Variants in SLC35F3 observed in about 807,000 individuals in gnomAD.
The protein encoded by SLC35F3 is putative thiamine transporter SLC35F3.
SLC35F3 carries 25 observed loss-of-function variants against 49.9 expected under a neutral mutation model. The ratio of observed to expected loss-of-function variants is 0.50; its 90% confidence interval spans 0.37 to 0.70. The LOEUF is 0.70. Among genes scored for constraint, SLC35F3 ranks in the 30% least tolerant of loss-of-function variants. The pLI, the probability that SLC35F3 is intolerant of heterozygous loss-of-function variation, is 0.00. For synonymous variants in SLC35F3, 275 were observed against 265.4 expected (o/e 1.04, Z -0.35); for missense variants, 525 against 639.8 (o/e 0.82, Z 1.94).
At chr1:234,085,240 C>T (rs764470402) in intron 2 of SLC35F3, among the ~76,000 whole-genome samples, 3 of 152,184 alleles carry the variant, frequency 2.0e-5, no homozygotes, top group Non-Finnish European at 4.4e-5. Flanking sequence ...GTTAGCTTCT[C>T]TCCATGAATC....
chr1:233,947,222 A>G (rs1052526580), intron 2 of SLC35F3, among the ~76,000 whole-genome samples: 1 of 152,200 alleles, frequency 6.6e-6, no homozygotes, highest in Non-Finnish European at 1.5e-5. Context: ...GCTCAAGGCT[A>G]CTTGAGATTC....
In SLC35F3 at chr1:234,099,330, G is replaced by A. The variant is rs573511689; in HGVS notation, c.284-132087G>A. Among the ~76,000 whole-genome samples, 47 of 152,144 alleles carry A rather than the reference G, an allele frequency of 3.1e-4. No homozygotes were observed. The East Asian group carries it at 7.5e-3, about 24-fold the overall frequency. On this transcript the variant is annotated intron_variant, in intron 2 of 7. Coordinates refer to ENST00000366618, the MANE Select transcript of SLC35F3 (RefSeq NM_173508.4). The stretch of plus-strand genomic sequence containing the variant: ...AGATACCTTAAAAAAAGATTTTACC[G>A]GCCGTGCGCTGTGGCTCACGCCTGT...
rs138024327 is a variant in SLC35F3 at position 234,077,663 on chromosome 1, G to A, written c.284-153754G>A. Among the ~76,000 whole-genome samples the A allele has an allele frequency of 2.8e-3, 429 of 152,292 alleles. 3 individuals carry two copies. Among genetic ancestry groups the A allele is most frequent in the Middle Eastern group, 0.02 (6 of 294 alleles). On this transcript the variant is annotated intron_variant, in intron 2 of 7. Coordinates refer to ENST00000366618, the MANE Select transcript of SLC35F3 (RefSeq NM_173508.4). The stretch of plus-strand genomic sequence containing the variant: ...TGCTGACTGGGAGGTTGGCTACCAC[G>A]GATCAGGCACCCTTCAGAGATCCAG...
intron 2 of SLC35F3, among the ~76,000 whole-genome samples, chr1:234,120,699 T>C (rs908279674): frequency 2.0e-5 from 3 of 152,216 alleles, no homozygotes; most frequent in Admixed American, 1.3e-4. Flanking sequence ...TTGGTCTCCT[T>C]CTTCTCAGCC....
intron 2 of SLC35F3, among the ~76,000 whole-genome samples, chr1:233,992,137 A>T (rs1215847867): frequency 3.3e-5 from 5 of 152,194 alleles, no homozygotes; most frequent in Admixed American, 3.3e-4. Context: ...CTGGACAAGA[A>T]TGTGAGAGGG....
At chr1:234,143,759 A>G (rs996267198) in intron 2 of SLC35F3, among the ~76,000 whole-genome samples, 2 of 152,212 alleles carry the variant, frequency 1.3e-5, no homozygotes, top group African/African-American at 2.4e-5. Flanking sequence ...TCCATTCATC[A>G]TGTATTGATA....
In SLC35F3 at chr1:233,948,177, G is replaced by A. The variant is rs187500773; in HGVS notation, c.283+42419G>A. Among the ~76,000 whole-genome samples, 1,334 of 148,888 alleles carry A rather than the reference G, an allele frequency of 9.0e-3. 26 individuals are homozygous for A. The highest frequency in any genetic ancestry group is 0.032 in the African/African-American group (1,276 of 40,498). On this transcript the variant is annotated intron_variant, in intron 2 of 7. Coordinates refer to ENST00000366618, the MANE Select transcript of SLC35F3 (RefSeq NM_173508.4). ...GGCATGTGTCCATACTCCCTGGAAC[G>A]GTAAGAGGGAGGGGAGAGAGAGAGA...
intron 2 of SLC35F3, among the ~76,000 whole-genome samples, chr1:234,025,183 T>C (rs1161440295): frequency 1.3e-5 from 2 of 152,270 alleles, no homozygotes; most frequent in African/African-American, 4.8e-5. Context: ...TACTCCATGG[T>C]GTGTATGTAC....
intron 3 of SLC35F3, chr1:234,261,953 T>G (rs747721693): frequency 6.6e-6 from 1 of 152,274 alleles, no homozygotes; most frequent in African/African-American, 2.4e-5. Flanking sequence ...TGAGAAATCC[T>G]TCACCTTTCT....
chr1:234,199,152 C>T (rs1367596167), intron 2 of SLC35F3, among the ~76,000 whole-genome samples: 5 of 151,804 alleles, frequency 3.3e-5, no homozygotes, highest in East Asian at 1.9e-4. Flanking sequence ...TGCTTAAGCT[C>T]GGGTGTTTAA....
chr1:234,284,973 T>C (rs1278585085), intron 3 of SLC35F3: 2 of 168,270 alleles, frequency 1.2e-5, no homozygotes, highest in African/African-American at 2.4e-5. Context: ...ACTGCAAGAA[T>C]GAAGACCATT....
chr1:234,181,751 C>T (rs1313751690), intron 2 of SLC35F3, among the ~76,000 whole-genome samples: 2 of 152,098 alleles, frequency 1.3e-5, no homozygotes, highest in African/African-American at 4.8e-5. Flanking sequence ...TAAAAGTTTG[C>T]TTGCATTGTG....
chr1:233,912,100 C>T (rs909589166), intron 2 of SLC35F3, among the ~76,000 whole-genome samples: 1 of 152,074 alleles, frequency 6.6e-6, no homozygotes, highest in African/African-American at 2.4e-5. Context: ...GAGGGGTGTC[C>T]ACTTAGTTTT....
chr1:233,992,864 A>G (rs1330078982), intron 2 of SLC35F3, among the ~76,000 whole-genome samples: 4 of 152,164 alleles, frequency 2.6e-5, no homozygotes, highest in Non-Finnish European at 5.9e-5. Flanking sequence ...AGAAAACAGA[A>G]ATGGAAAGTG....
chr1:234,214,250 G>A lies in SLC35F3; in HGVS notation c.284-17167G>A, dbSNP rs1667080615. ...TGCAGCAACCTCCAAGTAGGAGGCT[G>A]TGCGCGCGTGTGTGTGGAGTGGCTG... On this transcript the variant is annotated intron_variant, in intron 2 of 7. Coordinates refer to ENST00000366618, the MANE Select transcript of SLC35F3 (RefSeq NM_173508.4). The surrounding 1 kb of genome is among the most constrained non-coding windows in gnomAD (Gnocchi z 8.0). The A allele has an allele frequency of 5.6e-6, 7 of 1,246,564 alleles. No individual in the cohort carries two copies. Among genetic ancestry groups the A allele is most frequent in the Non-Finnish European group, 7.0e-6 (7 of 997,120 alleles). The allele number at this position is 1,246,564 out of a possible 1,614,324, so 77.2% of individuals were successfully genotyped here.
chr1:233,992,844 A>G (rs4536096), intron 2 of SLC35F3, among the ~76,000 whole-genome samples: 110,253 of 151,978 alleles, frequency 0.73, 40,363 homozygotes, highest in African/African-American at 0.82. Flanking sequence ...TGAGATGTGA[A>G]GCAAAGGAGA....
At chr1:233,987,034 C>T (rs1447327684) in intron 2 of SLC35F3, among the ~76,000 whole-genome samples, 4 of 152,172 alleles carry the variant, frequency 2.6e-5, no homozygotes, top group Non-Finnish European at 5.9e-5. Context: ...TGCTTTTAAT[C>T]CCAGCACTTT....
chr1:234,210,408 G>C (rs1038328212), intron 2 of SLC35F3, among the ~76,000 whole-genome samples: 3 of 152,180 alleles, frequency 2.0e-5, no homozygotes, highest in Non-Finnish European at 4.4e-5. Context: ...AGTTTGGAGG[G>C]CTCAGAAGAA....
chr1:234,139,966 A>AAATAAAATAAAATAAAAT lies in SLC35F3; in HGVS notation c.284-91448_284-91431dup, dbSNP rs1553308886. ...CATCTCAAAATAATAAAATAAAATA[A>AAATAAAATAAAATAAAAT]AATAAAATAAAATAAAATAAAATAA... On this transcript the variant is annotated intron_variant, in intron 2 of 7. Coordinates refer to ENST00000366618, the MANE Select transcript of SLC35F3 (RefSeq NM_173508.4). Among the ~76,000 whole-genome samples the AAATAAAATAAAATAAAAT allele has an allele frequency of 2.9e-3, 393 of 133,372 alleles. 20 individuals carry two copies. The highest frequency in any genetic ancestry group is 0.01 in the African/African-American group (366 of 35,758). The allele number at this position is 133,372 out of a possible 152,430, so 87.5% of individuals were successfully genotyped here. A position where few individuals can be genotyped will look rare whatever the true frequency, so the allele number is the denominator to read the frequency against.
Sources: allele counts gnomAD v4.1 joint callset (sites outside exome capture counted in the v4.1 genomes callset), GRCh38; gene constraint gnomAD v4.1.1; non-coding constraint Gnocchi (gnomAD v3.1); transcripts MANE v1.5; gene names NCBI Gene and HGNC (gene_info 2026-07-23, HGNC 2026-07-21).